GABRA2: variants seen among roughly 807,000 people sequenced by gnomAD.
The protein encoded by GABRA2 is gamma-aminobutyric acid receptor subunit alpha-2.
In GABRA2, 16 loss-of-function variants were observed where a neutral mutation model predicts 48.7. The ratio of observed to expected loss-of-function variants is 0.33; its 90% confidence interval spans 0.22 to 0.50. The LOEUF (loss-of-function observed/expected upper bound fraction) is 0.50. GABRA2 is among the 20% of genes least tolerant of loss of function. GABRA2 has a pLI of 0.98. For synonymous variants in GABRA2, 185 were observed against 184.5 expected (o/e 1.00, Z -0.02); for missense variants, 275 against 535.6 (o/e 0.51, Z 4.80).
intron 7 of GABRA2, among the ~76,000 whole-genome samples, chr4:46,304,469 T>C (rs1386579238): frequency 2.0e-5 from 3 of 152,114 alleles, no homozygotes; most frequent in Non-Finnish European, 2.9e-5. Flanking sequence ...TTTTTTGTTT[T>C]TGTTTTTTTG....
intron 8 of GABRA2, among the ~76,000 whole-genome samples, chr4:46,290,135 A>C (rs906944378): frequency 4.8e-5 from 7 of 144,742 alleles, no homozygotes; most frequent in African/African-American, 1.8e-4. Flanking sequence ...TGATCTCCTG[A>C]CCTCGTGATC....
At chr4:46,295,633 A>T (rs1008157945) in intron 8 of GABRA2, among the ~76,000 whole-genome samples, 2 of 152,158 alleles carry the variant, frequency 1.3e-5, no homozygotes, top group Non-Finnish European at 2.9e-5. Context: ...ACTTCCACTC[A>T]CCAAGGCTGA....
chr4:46,270,151 A>G (rs1719045394), intron 8 of GABRA2, among the ~76,000 whole-genome samples: 1 of 152,022 alleles, frequency 6.6e-6, no homozygotes, highest in Non-Finnish European at 1.5e-5. Context: ...ATTTTAATAT[A>G]AATCTACTAT....
chr4:46,295,518 C>G (rs1577946713), intron 8 of GABRA2, among the ~76,000 whole-genome samples: 1 of 152,150 alleles, frequency 6.6e-6, no homozygotes, highest in Admixed American at 6.5e-5. Flanking sequence ...CTATGGACAC[C>G]ACCCAGCCTC....
rs1042786932 is a variant in GABRA2, at chr4:46,245,697, C to T, written c.*4611G>A. Among the ~76,000 whole-genome samples the T allele has an allele frequency of 2.0e-5, 3 of 151,144 alleles. No homozygotes were observed. The highest frequency in any genetic ancestry group is 4.4e-5 in the Non-Finnish European group (3 of 67,442). On this transcript the variant is annotated 3_prime_UTR_variant, in exon 10 of 10. Transcript: ENST00000381620. ...ATTCCATACATACCTAGGAATTACA[C>T]ACATACACACTCGCAAACATACACA...
chr4:46,277,886 T>C (rs1172433017), intron 8 of GABRA2, among the ~76,000 whole-genome samples: 1 of 152,178 alleles, frequency 6.6e-6, no homozygotes, highest in Non-Finnish European at 1.5e-5. Context: ...GATATTTCAT[T>C]GCCTATTTTT....
intron 8 of GABRA2, among the ~76,000 whole-genome samples, chr4:46,300,880 T>C (rs1725621272): frequency 6.6e-6 from 1 of 152,158 alleles, no homozygotes; most frequent in Admixed American, 6.5e-5. Flanking sequence ...TAATTTCTCA[T>C]GTGAACTATT....
intron 3 of GABRA2, among the ~76,000 whole-genome samples, chr4:46,355,441 T>C (rs1053954478): frequency 6.6e-6 from 1 of 152,186 alleles, no homozygotes; most frequent in Non-Finnish European, 1.5e-5. Context: ...AATATATCCT[T>C]TGGGGTCAGG....
Position 46,389,922 on chromosome 4 carries a change from C to A in GABRA2, c.-198G>T. ...TGGGCTGGTGGAAGCCGGAGAGGAG[C>A]GCTAGGAGCCGCGGCGGCGGCGCGA... is the stretch of plus-strand genomic sequence containing the variant. On this transcript the variant is annotated 5_prime_UTR_variant, in exon 1 of 10. Coordinates refer to ENST00000381620, the MANE Select transcript of GABRA2 (RefSeq NM_000807.4). The A allele has an allele frequency of 6.1e-6, 6 of 985,026 alleles. No individual in the cohort carries two copies. The highest frequency in any genetic ancestry group is 7.2e-6 in the Non-Finnish European group (6 of 831,420). 61.0% of individuals were successfully genotyped at this position (985,026 alleles called of 1,614,324 possible).
chr4:46,313,854 AAATT>A (rs1178373795), intron 4 of GABRA2, among the ~76,000 whole-genome samples: 1 of 152,154 alleles, frequency 6.6e-6, no homozygotes, highest in African/African-American at 2.4e-5. Context: ...CAATTTTACT[AAATT>A]AATGTTTGCA....
intron 6 of GABRA2, among the ~76,000 whole-genome samples, chr4:46,308,753 A>T (rs535157483): frequency 6.6e-6 from 1 of 152,196 alleles, no homozygotes; most frequent in African/African-American, 2.4e-5. Context: ...TAGATGCAGT[A>T]TAAGAGATTT....
chr4:46,366,594 G>A (rs942396553), intron 3 of GABRA2: 4 of 151,964 alleles, frequency 2.6e-5, no homozygotes, highest in South Asian at 2.1e-4. Context: ...ATTGGTCTGC[G>A]GCTCTCATTT....
At chr4:46,322,682 T>C (rs1056345437) in intron 4 of GABRA2, among the ~76,000 whole-genome samples, 8 of 152,060 alleles carry the variant, frequency 5.3e-5, no homozygotes, top group African/African-American at 1.4e-4. Context: ...AAAAGCTACT[T>C]GGAACATAGG....
At chr4:46,367,571 A>T (rs1020591033) in intron 3 of GABRA2, 1 of 152,162 alleles carries the variant, frequency 6.6e-6, no homozygotes, top group Non-Finnish European at 1.5e-5. Flanking sequence ...AGCTTTGGAA[A>T]AAGGGCATAC....
intron 4 of GABRA2, among the ~76,000 whole-genome samples, chr4:46,318,185 G>T (rs2109733246): frequency 6.6e-6 from 1 of 151,176 alleles, no homozygotes; most frequent in African/African-American, 2.4e-5. Context: ...TTAATTACTA[G>T]AAATATCATA....
intron 9 of GABRA2, among the ~76,000 whole-genome samples, chr4:46,258,716 G>T (rs114108085): frequency 7.3e-4 from 111 of 151,846 alleles, no homozygotes; most frequent in African/African-American, 2.6e-3. Flanking sequence ...ATTTAAGAAA[G>T]AAAAGAAGAG....
chr4:46,384,026 C>T (rs1717112742), intron 3 of GABRA2, among the ~76,000 whole-genome samples: 1 of 152,082 alleles, frequency 6.6e-6, no homozygotes, highest in Non-Finnish European at 1.5e-5. Context: ...GCTTTGTGTA[C>T]ACTTTTTGTT....
intron 8 of GABRA2, among the ~76,000 whole-genome samples, chr4:46,267,480 T>C (rs1429063465): frequency 6.6e-6 from 1 of 152,052 alleles, no homozygotes; most frequent in Non-Finnish European, 1.5e-5. Context: ...TCTAATGATT[T>C]TTTTTTCCTG....
intron 8 of GABRA2, among the ~76,000 whole-genome samples, chr4:46,265,869 T>C (rs1015904778): frequency 6.6e-6 from 1 of 152,078 alleles, no homozygotes; most frequent in African/African-American, 2.4e-5. Flanking sequence ...ACATACGTTA[T>C]TTTTTGTTTC....
Sources: allele counts gnomAD v4.1 joint callset (sites outside exome capture counted in the v4.1 genomes callset), GRCh38; gene constraint gnomAD v4.1.1; transcripts MANE v1.5; gene names NCBI Gene and HGNC (gene_info 2026-07-23, HGNC 2026-07-21).